The following DGKI variants were observed in gnomAD, a reference collection of about 807,000 sequenced individuals.
DGKI encodes DAG kinase iota.
A neutral mutation model predicts 147.5 loss-of-function variants in DGKI; 55 were observed. The ratio of observed to expected loss-of-function variants is 0.37; its 90% CI spans 0.30 to 0.47. The LOEUF (loss-of-function observed/expected upper bound fraction) is 0.47. DGKI is among the 20% of genes least tolerant of loss of function. DGKI has a pLI of 1.00. For missense variants in DGKI, 1,007 were observed against 1,323.8 expected (o/e 0.76, Z 3.71); for synonymous variants, 469 against 477.1 (o/e 0.98, Z 0.22).
Position 137,381,841 on chromosome 7 carries a change from T to C in DGKI, c.*9379A>G, listed in dbSNP as rs1811068476. 1 of 152,150 alleles carries C rather than the reference T, an allele frequency of 6.6e-6. No homozygotes were observed. Among genetic ancestry groups the C allele is most frequent in the South Asian group, 2.1e-4 (1 of 4,830 alleles). 9.4% of individuals were successfully genotyped at this position (152,150 alleles called of 1,614,324 possible). A position where few individuals can be genotyped will look rare whatever the true frequency, so the allele number is the denominator to read the frequency against. On this transcript the variant is annotated 3_prime_UTR_variant, in exon 33 of 33. Transcript: ENST00000614521. Reference sequence around the variant, plus strand: ...TAGAATATTTTGTCTATGAGAGTTCTAAATCTCCTTCCCCAGGATGGCAAG... The same window carrying C: ...TAGAATATTTTGTCTATGAGAGTTCCAAATCTCCTTCCCCAGGATGGCAAG...
chr7:137,423,634 C>A (rs1317530515), intron 28 of DGKI, among the ~76,000 whole-genome samples: 1 of 152,130 alleles, frequency 6.6e-6, no homozygotes, highest in Non-Finnish European at 1.5e-5. Flanking sequence ...CAGTGACTAG[C>A]AGCAAACTGA....
At chr7:137,576,503 CTTT>C (rs973400571) in intron 17 of DGKI, among the ~76,000 whole-genome samples, 1 of 152,198 alleles carries the variant, frequency 6.6e-6, no homozygotes, top group African/African-American at 2.4e-5. Flanking sequence ...TTCCTTCCTT[CTTT>C]TAACTTGTTT....
intron 2 of DGKI, among the ~76,000 whole-genome samples, chr7:137,681,574 C>T (rs1280797696): frequency 6.6e-6 from 1 of 152,120 alleles, no homozygotes; most frequent in Non-Finnish European, 1.5e-5. Flanking sequence ...ATTCTTTATT[C>T]GATAACACTG....
At chr7:137,474,140 G>C (rs1347452488) in intron 23 of DGKI, among the ~76,000 whole-genome samples, 1 of 152,090 alleles carries the variant, frequency 6.6e-6, no homozygotes, top group African/African-American at 2.4e-5. Flanking sequence ...GAATTCCAAT[G>C]AAAAACTGTA....
At chr7:137,497,892 A>C (rs1310081921) in intron 21 of DGKI, among the ~76,000 whole-genome samples, 2 of 151,928 alleles carry the variant, frequency 1.3e-5, no homozygotes, top group African/African-American at 4.8e-5. Context: ...TAATCTGCAC[A>C]CTAAACACCT....
At chr7:137,657,394 G>A (rs1288373023) in intron 3 of DGKI, among the ~76,000 whole-genome samples, 1 of 152,116 alleles carries the variant, frequency 6.6e-6, no homozygotes, top group African/African-American at 2.4e-5. Flanking sequence ...GTCAGTATTA[G>A]TTTAAAATTA....
At chr7:137,483,782 CT>C (rs1815455412) in intron 23 of DGKI, among the ~76,000 whole-genome samples, 1 of 152,042 alleles carries the variant, frequency 6.6e-6, no homozygotes, top group South Asian at 2.1e-4. Context: ...GATCTCATTC[CT>C]TTTTATGGCT....
At chr7:137,648,426 T>C (rs1284158914) in intron 5 of DGKI, among the ~76,000 whole-genome samples, 1 of 152,238 alleles carries the variant, frequency 6.6e-6, no homozygotes, top group African/African-American at 2.4e-5. Flanking sequence ...GACTTCATCA[T>C]TTGCACTGCA....
intron 1 of DGKI, among the ~76,000 whole-genome samples, chr7:137,707,106 G>A (rs1017716915): frequency 6.6e-6 from 1 of 152,056 alleles, no homozygotes; most frequent in Non-Finnish European, 1.5e-5. Context: ...TGTTCATTTT[G>A]ATCTTGTTCA....
intron 20 of DGKI, among the ~76,000 whole-genome samples, chr7:137,541,697 C>T (rs1305664999): frequency 6.6e-6 from 1 of 152,030 alleles, no homozygotes; most frequent in Non-Finnish European, 1.5e-5. Context: ...ATGCATTGGA[C>T]ATCCATATGC....
chr7:137,401,234 G>A (rs1376609), intron 30 of DGKI, among the ~76,000 whole-genome samples: 10 of 151,848 alleles, frequency 6.6e-5, no homozygotes, highest in African/African-American at 2.2e-4. Context: ...AAACAAGAGA[G>A]AAAAAAATAA....
intron 1 of DGKI, among the ~76,000 whole-genome samples, chr7:137,731,166 A>T (rs989503945): frequency 6.6e-6 from 1 of 152,048 alleles, no homozygotes; most frequent in African/African-American, 2.4e-5. Context: ...TACTAGTATT[A>T]TATCTCTGTT....
intron 1 of DGKI, among the ~76,000 whole-genome samples, chr7:137,789,571 G>A (rs557694004): frequency 9.9e-4 from 150 of 152,148 alleles, no homozygotes; most frequent in African/African-American, 3.4e-3. Context: ...TTAGGGAGCC[G>A]TGAAAAAGAA....
rs547302995 is a variant in DGKI at position 137,601,067 on chromosome 7, T to C, written c.1168-1162A>G. ...CGGGCAGATCACAAGGTCAGGAGAT[T>C]GAGACCATCCTGGCGAACACAGTGA... On this transcript the variant is annotated intron_variant, in intron 10 of 32. Coordinates refer to ENST00000614521, the MANE Select transcript of DGKI (RefSeq NM_001321708.2). 4.6e-5 allele frequency among the ~76,000 whole-genome samples: 7 copies of C among 151,156 alleles called. No homozygotes were observed. The South Asian group carries it at 8.4e-4, about 18-fold the overall frequency.
chr7:137,754,656 C>T (rs1361116058), intron 1 of DGKI, among the ~76,000 whole-genome samples: 4 of 152,160 alleles, frequency 2.6e-5, no homozygotes, highest in Admixed American at 6.5e-5. Flanking sequence ...CAAGTTGATG[C>T]TAAGAAAAGA....
intron 11 of DGKI, among the ~76,000 whole-genome samples, chr7:137,598,340 T>G (rs1017498165): frequency 2.0e-5 from 3 of 152,178 alleles, no homozygotes; most frequent in Non-Finnish European, 4.4e-5. Context: ...TTTCCCTGGA[T>G]GTATTTACTT....
intron 1 of DGKI, among the ~76,000 whole-genome samples, chr7:137,706,573 A>AT (rs1794037143): frequency 6.2e-5 from 8 of 130,060 alleles, no homozygotes; most frequent in East Asian, 2.2e-4. Flanking sequence ...TTTTATTTTT[A>AT]TTTTTATTTT....
At chr7:137,438,794 T>G (rs1008150100) in intron 28 of DGKI, among the ~76,000 whole-genome samples, 2 of 152,180 alleles carry the variant, frequency 1.3e-5, no homozygotes, top group Non-Finnish European at 2.9e-5. Flanking sequence ...TCCATAAGGA[T>G]GAATCACAAA....
chr7:137,780,721 A>G (rs1049176552), intron 1 of DGKI, among the ~76,000 whole-genome samples: 1 of 152,246 alleles, frequency 6.6e-6, no homozygotes, highest in African/African-American at 2.4e-5. Flanking sequence ...AAGCATCAAG[A>G]AATAATTTTT....
Sources: gnomAD v4.1 joint callset for allele counts (sites outside exome capture counted in the v4.1 genomes callset) on GRCh38, gnomAD v4.1.1 for gene constraint, MANE v1.5 for transcripts, NCBI Gene and HGNC (gene_info 2026-07-23, HGNC 2026-07-21) for gene names.